The following DSCAML1 variants were observed in gnomAD, a reference collection of about 807,000 sequenced individuals.
The protein encoded by DSCAML1 is DS cell adhesion molecule like 1, also known as cell adhesion molecule DSCAML1.
In DSCAML1, 38 loss-of-function variants were observed where a neutral mutation model predicts 200.5. That is an observed-to-expected ratio of 0.19 (90% CI 0.15 to 0.25). The LOEUF is 0.25. Among genes scored for constraint, DSCAML1 ranks in the 10% least tolerant of loss-of-function variants. The probability of loss-of-function intolerance (pLI) is 1.00; values close to 1 mark genes in which losing one functional copy is unlikely to be tolerated. For synonymous variants in DSCAML1, 1,215 were observed against 1,165.0 expected (o/e 1.04, Z -0.87); for missense variants, 2,223 against 2,858.8 (o/e 0.78, Z 5.07).
At position 117,437,758 on chromosome 11, in the gene DSCAML1, G is replaced by A. The variant is rs1305023134; in HGVS notation, c.4432+137C>T. 2.0e-6 allele frequency: 2 copies of A among 989,804 alleles called. No individual in the cohort carries two copies. The highest frequency in any genetic ancestry group is 1.7e-5 in the South Asian group (1 of 57,784). The allele number at this position is 989,804 out of a possible 1,614,324, so 61.3% of individuals were successfully genotyped here. A position where few individuals can be genotyped will look rare whatever the true frequency, so the allele number is the denominator to read the frequency against. ...CTGTGGTGACGGGAAGGAGGCTGAG[G>A]CTCCTCCCTTCAGTCTCCCTGCATC... On this transcript the variant is annotated intron_variant, in intron 25 of 32. Transcript: ENST00000651296. The surrounding 1 kb of genome is among the most constrained non-coding windows in gnomAD (Gnocchi z 5.3).
At chr11:117,496,182 ATCTTG>A (rs2049285505) in intron 11 of DSCAML1, among the ~76,000 whole-genome samples, 1 of 152,080 alleles carries the variant, frequency 6.6e-6, no homozygotes, top group African/African-American at 2.4e-5. Context: ...TTAGCACGTG[ATCTTG>A]TCTTGTTTCC....
At chr11:117,583,291 C>A (rs542764024) in intron 3 of DSCAML1, among the ~76,000 whole-genome samples, 1 of 152,150 alleles carries the variant, frequency 6.6e-6, no homozygotes, top group Non-Finnish European at 1.5e-5. Context: ...GTCCTCCCTG[C>A]ACACTCCTCT....
At chr11:117,530,883 A>T (rs2050065575) in intron 4 of DSCAML1, among the ~76,000 whole-genome samples, 1 of 152,212 alleles carries the variant, frequency 6.6e-6, no homozygotes, top group Non-Finnish European at 1.5e-5. Context: ...GTTCTGACTT[A>T]GCGTTCATCC....
chr11:117,760,231 T>A lies in DSCAML1; in HGVS notation c.511+16560A>T, dbSNP rs1037967766. On this transcript the variant is annotated intron_variant, in intron 3 of 32. Coordinates refer to ENST00000651296, the MANE Select transcript of DSCAML1 (RefSeq NM_020693.4). ...CATAAAAATAATGGAAAGAGACCCA[T>A]GTTTCTTTTGGCATATTTTCTTCAG... 3.3e-5 allele frequency among the ~76,000 whole-genome samples: 5 copies of A among 152,212 alleles called. No individual in the cohort carries two copies. In the South Asian group the frequency reaches 6.2e-4, roughly 19 times the overall value.
chr11:117,584,788 T>C (rs139004821), intron 3 of DSCAML1, among the ~76,000 whole-genome samples: 288 of 152,326 alleles, frequency 1.9e-3, no homozygotes, highest in African/African-American at 6.4e-3. Flanking sequence ...CATATTCAAC[T>C]GCAATATAGT....
At chr11:117,790,245 T>A (rs2055435704) in intron 1 of DSCAML1, among the ~76,000 whole-genome samples, 1 of 152,226 alleles carries the variant, frequency 6.6e-6, no homozygotes. Flanking sequence ...GCAGGGAGAA[T>A]GTCCCTTTGG....
At chr11:117,660,181 C>T (rs2052816942) in intron 3 of DSCAML1, among the ~76,000 whole-genome samples, 1 of 152,200 alleles carries the variant, frequency 6.6e-6, no homozygotes, top group African/African-American at 2.4e-5. Context: ...TCCCAGTCCC[C>T]TCCTAGGGCC....
At chr11:117,439,464 T>C (rs368012301) in intron 22 of DSCAML1, 35 bp from the exon 23 acceptor site, 8 of 1,597,488 alleles carry the variant, frequency 5.0e-6, no homozygotes, top group Non-Finnish European at 6.8e-6. Flanking sequence ...GTGGGTCATG[T>C]CAAGCACCCC....
At chr11:117,566,451 G>A (rs906458402) in intron 3 of DSCAML1, among the ~76,000 whole-genome samples, 7 of 150,712 alleles carry the variant, frequency 4.6e-5, no homozygotes, top group African/African-American at 1.2e-4. Context: ...GGGCTCAGGC[G>A]ATCCTCCCAC....
At chr11:117,694,039 C>T (rs2053542118) in intron 3 of DSCAML1, among the ~76,000 whole-genome samples, 1 of 141,398 alleles carries the variant, frequency 7.1e-6, no homozygotes, top group African/African-American at 2.5e-5. Flanking sequence ...CTCCCTCTGT[C>T]ATTTTTAGGT....
chr11:117,653,445 C>T (rs570461243), intron 3 of DSCAML1, among the ~76,000 whole-genome samples: 2 of 152,296 alleles, frequency 1.3e-5, no homozygotes, highest in South Asian at 2.1e-4. Flanking sequence ...ATTCCCCCTT[C>T]CCCCAGCTCA....
intron 1 of DSCAML1, among the ~76,000 whole-genome samples, chr11:117,809,285 T>G (rs1452651219): frequency 1.3e-5 from 2 of 152,108 alleles, no homozygotes; most frequent in Admixed American, 1.3e-4. Context: ...TCTGCACTCC[T>G]GGAAAGTGCA....
At chr11:117,648,873 C>T (rs2052572214) in intron 3 of DSCAML1, among the ~76,000 whole-genome samples, 1 of 152,172 alleles carries the variant, frequency 6.6e-6, no homozygotes, top group Non-Finnish European at 1.5e-5. Context: ...AGGCAAGTGC[C>T]TGCCACAGAG....
chr11:117,514,572 CTTTTTTTTTTT>C (rs532136039), intron 8 of DSCAML1, among the ~76,000 whole-genome samples: 8 of 98,260 alleles, frequency 8.1e-5, no homozygotes, highest in African/African-American at 2.5e-4. Context: ...TTTTCTTTTT[CTTTTTTTTTTT>C]TTTTTTTTTT....
chr11:117,592,185 G>T (rs548869103), intron 3 of DSCAML1, among the ~76,000 whole-genome samples: 1 of 152,216 alleles, frequency 6.6e-6, no homozygotes, highest in Admixed American at 6.5e-5. Flanking sequence ...CGCAGCTCTG[G>T]GCTCCTGGTT....
At chr11:117,720,163 G>A (rs376514559) in intron 3 of DSCAML1, among the ~76,000 whole-genome samples, 10 of 152,158 alleles carry the variant, frequency 6.6e-5, no homozygotes, top group Middle Eastern at 3.4e-3. Context: ...TCAGCCCAGC[G>A]CCCCCCGCCC....
chr11:117,485,634 T>C (rs1476431034), intron 11 of DSCAML1, among the ~76,000 whole-genome samples: 1 of 152,254 alleles, frequency 6.6e-6, no homozygotes, highest in Non-Finnish European at 1.5e-5. Flanking sequence ...TTAAGAAACC[T>C]GGATTCTAGT....
At chr11:117,687,372 T>C (rs1323833185) in intron 3 of DSCAML1, among the ~76,000 whole-genome samples, 3 of 151,416 alleles carry the variant, frequency 2.0e-5, no homozygotes, top group East Asian at 1.9e-4. Context: ...GTAATCCTCC[T>C]ACCTCAGCCT....
chr11:117,725,700 T>C (rs932497133), intron 3 of DSCAML1, among the ~76,000 whole-genome samples: 3 of 152,056 alleles, frequency 2.0e-5, no homozygotes, highest in Non-Finnish European at 4.4e-5. Context: ...TCCCAGGGCC[T>C]AGACACAGGG....
Sources: allele counts gnomAD v4.1 joint callset (sites outside exome capture counted in the v4.1 genomes callset), GRCh38; gene constraint gnomAD v4.1.1; non-coding constraint Gnocchi (gnomAD v3.1); transcripts MANE v1.5; gene names NCBI Gene and HGNC (gene_info 2026-07-23, HGNC 2026-07-21).